Variants in RPAP2 observed in about 807,000 individuals in gnomAD.
RPAP2 encodes putative RNA polymerase II subunit B1 CTD phosphatase RPAP2.
A neutral mutation model predicts 73.1 loss-of-function variants in RPAP2; 52 were observed. The observed-to-expected ratio is 0.71, with a 90% CI of 0.57 to 0.90. The LOEUF is 0.90. RPAP2 is among the 40% of genes least tolerant of loss of function. The pLI, the probability that RPAP2 is intolerant of heterozygous loss-of-function variation, is 0.00. For missense variants in RPAP2, 598 were observed against 701.8 expected (o/e 0.85, Z 1.67); for synonymous variants, 225 against 242.1 (o/e 0.93, Z 0.65).
At position 92,323,671 on chromosome 1, in the gene RPAP2, A is replaced by G. The variant is rs773891776; in HGVS notation, c.751A>G (p.Lys251Glu). The G allele has an allele frequency of 6.2e-7, 1 of 1,613,740 alleles. No homozygotes were observed. The highest frequency in any genetic ancestry group is 2.2e-5 in the East Asian group (1 of 44,868). Residue 251 changes from lysine to glutamate, a missense_variant, in exon 8 of 13, where the codon AAA (lysine) becomes GAA (glutamate). Lys to Glu is a moderately conservative substitution (Grantham distance 56, BLOSUM62 1). Around this residue, in one of 3 missense-constraint regions of RPAP2, gnomAD observed 506 missense variants for 612.8 expected, o/e 0.83. Transcript: ENST00000610020. Reference sequence around the variant, plus strand: ...GCACCAAAAAAGCATAATGAAAAAGAAAGCTGGTCACAAAGCTAACTCCAA... The same window carrying G: ...GCACCAAAAAAGCATAATGAAAAAGGAAGCTGGTCACAAAGCTAACTCCAA... Reference protein sequence around the residue: ...QLHQKSIMKKKAGHKANSKHK... With the variant: ...QLHQKSIMKKEAGHKANSKHK...
intron 11 of RPAP2, among the ~76,000 whole-genome samples, chr1:92,354,339 A>G (rs1654358379): frequency 6.6e-6 from 1 of 152,230 alleles, no homozygotes; most frequent in Non-Finnish European, 1.5e-5. Context: ...AGCTGGAGAC[A>G]CTATTCTGAG....
At chr1:92,381,807 A>G (rs1332718347) in intron 12 of RPAP2, among the ~76,000 whole-genome samples, 1 of 151,646 alleles carries the variant, frequency 6.6e-6, no homozygotes, top group African/African-American at 2.4e-5. Context: ...TTTAGGGTAC[A>G]TGTGCACAAT....
chr1:92,310,836 G>A (rs945953081), intron 6 of RPAP2, among the ~76,000 whole-genome samples: 8 of 152,132 alleles, frequency 5.3e-5, no homozygotes, highest in African/African-American at 1.9e-4. Context: ...GGCAGAGGTT[G>A]CAGTGAGCCG....
intron 11 of RPAP2, among the ~76,000 whole-genome samples, chr1:92,379,280 A>T (rs1557633113): frequency 6.6e-6 from 1 of 152,238 alleles, no homozygotes; most frequent in South Asian, 2.1e-4. Flanking sequence ...GGTTAAATAA[A>T]TATCTGAAAG....
chr1:92,397,456 G>C lies in RPAP2; in HGVS notation c.*10445G>C, dbSNP rs1382688181. 2.0e-5 allele frequency: 3 copies of C among 152,162 alleles called. No homozygotes were observed. The highest frequency in any genetic ancestry group is 7.2e-5 in the African/African-American group (3 of 41,438). 9.4% of individuals were successfully genotyped at this position (152,162 alleles called of 1,614,324 possible). A position where few individuals can be genotyped will look rare whatever the true frequency, so the allele number is the denominator to read the frequency against. ...CACTTCTTCCCTCTCTGTGCCCAGA[G>C]ATATCTCTTCAGTTATCTCACATGC... On this transcript the variant is annotated 3_prime_UTR_variant, in exon 13 of 13. Transcript: ENST00000610020.
intron 12 of RPAP2, among the ~76,000 whole-genome samples, chr1:92,383,749 C>T (rs775835485): frequency 0.033 from 4,835 of 147,994 alleles, 306 homozygotes; most frequent in African/African-American, 0.12. Context: ...TAATTGATAC[C>T]CTGTATTTCC....
At chr1:92,349,862 A>G (rs1435439125) in intron 11 of RPAP2, among the ~76,000 whole-genome samples, 1 of 152,202 alleles carries the variant, frequency 6.6e-6, no homozygotes, top group Non-Finnish European at 1.5e-5. Flanking sequence ...CAGGAGATCA[A>G]GGTGCAGAGA....
intron 3 of RPAP2, 32 bp downstream of exon 3, chr1:92,301,622 G>A (rs754064748): frequency 1.1e-6 from 1 of 925,124 alleles, no homozygotes. Flanking sequence ...TATTAGTTTT[G>A]TAGTATAACA....
At position 92,299,122 on chromosome 1, in the gene RPAP2, C is replaced by T. The variant is rs550520312; in HGVS notation, c.49C>T (p.Pro17Ser). The part of the protein sequence containing the change: ...PSSAGRKAGA[P>S]RCSRKAAGTK... ...TTCTGCCGGCCGCAAGGCCGGGGCT[C>T]CCCGCTGCTCTCGAAAAGCCGCAGG... The change falls in exon 1 of 13, where the codon CCC becomes TCC. Residue 17 changes from proline (P) to serine (S), a missense_variant. Pro to Ser is a moderately conservative substitution (Grantham distance 74). Around this residue, in one of 3 missense-constraint regions of RPAP2, gnomAD observed 77 missense variants for 55.7 expected, o/e 1.38. Coordinates refer to ENST00000610020, the MANE Select transcript of RPAP2 (RefSeq NM_024813.3). 7 of 1,522,368 alleles carry T rather than the reference C, an allele frequency of 4.6e-6. No individual in the cohort carries two copies. The South Asian group carries it at 7.5e-5, about 16-fold the overall frequency. 94.3% of individuals were successfully genotyped at this position (1,522,368 alleles called of 1,614,324 possible).
intron 10 of RPAP2, among the ~76,000 whole-genome samples, chr1:92,337,136 T>C (rs1653323426): frequency 6.6e-6 from 1 of 152,178 alleles, no homozygotes; most frequent in South Asian, 2.1e-4. Context: ...CTGTGGCTGA[T>C]GTTGCACTGA....
intron 11 of RPAP2, among the ~76,000 whole-genome samples, chr1:92,350,466 T>A (rs1025127437): frequency 6.6e-6 from 1 of 152,212 alleles, no homozygotes; most frequent in Non-Finnish European, 1.5e-5. Flanking sequence ...GCATCTTAGT[T>A]GAAGTTTATC....
Position 92,333,462 on chromosome 1 carries a change from G to A in RPAP2, c.1527G>A (p.Lys509=), listed in dbSNP as rs768018165. 6 of 1,611,524 alleles carry A rather than the reference G, an allele frequency of 3.7e-6. No homozygotes were observed. The highest frequency in any genetic ancestry group is 5.1e-6 in the Non-Finnish European group (6 of 1,177,938). ...TTAGAAAACGCATCGTACTTGAAAA[G>A]TTGAGTAAAGTGTAAGTATGTAATT... is the stretch of plus-strand genomic sequence containing the variant. ...NQIRKRIVLE[K]LSKVLPGLLV... Residue 509 remains lysine (K), a synonymous_variant, in exon 9 of 13, where the codon AAG becomes AAA. Transcript: ENST00000610020.
chr1:92,318,933 A>G (rs1364014625), intron 6 of RPAP2, among the ~76,000 whole-genome samples: 1 of 152,176 alleles, frequency 6.6e-6, no homozygotes, highest in African/African-American at 2.4e-5. Context: ...ATGAGGGCAG[A>G]CTTCTTTAAT....
At chr1:92,352,280 T>C (rs1261463184) in intron 11 of RPAP2, among the ~76,000 whole-genome samples, 1 of 152,188 alleles carries the variant, frequency 6.6e-6, no homozygotes, top group East Asian at 1.9e-4. Context: ...TGGGAAATGG[T>C]ATTTAAACAA....
At chr1:92,353,089 A>C (rs1654295619) in intron 11 of RPAP2, among the ~76,000 whole-genome samples, 2 of 152,202 alleles carry the variant, frequency 1.3e-5, no homozygotes, top group Non-Finnish European at 1.5e-5. Context: ...TTTATTCATC[A>C]GTTGACAAAC....
At chr1:92,319,536 GT>G (rs1286791874) in intron 6 of RPAP2, among the ~76,000 whole-genome samples, 3 of 152,188 alleles carry the variant, frequency 2.0e-5, no homozygotes, top group African/African-American at 7.2e-5. Flanking sequence ...GAAGGCTGAG[GT>G]GGGGGCAGTG....
At chr1:92,342,571 G>T (rs1653658002) in intron 10 of RPAP2, among the ~76,000 whole-genome samples, 1 of 152,170 alleles carries the variant, frequency 6.6e-6, no homozygotes, top group South Asian at 2.1e-4. Context: ...CATTTTGGCT[G>T]CCAAGTTGAT....
chr1:92,312,418 CAA>C (rs55719262), intron 6 of RPAP2, among the ~76,000 whole-genome samples: 97 of 146,752 alleles, frequency 6.6e-4, no homozygotes, highest in Admixed American at 6.1e-4. Flanking sequence ...GACCGTGTCT[CAA>C]AAAAAAAAAA....
intron 10 of RPAP2, among the ~76,000 whole-genome samples, chr1:92,337,053 C>T (rs1243476083): frequency 1.3e-5 from 2 of 152,054 alleles, no homozygotes; most frequent in Non-Finnish European, 2.9e-5. Flanking sequence ...CTCTAAATGG[C>T]TTATTAGTAG....
Sources: gnomAD v4.1 joint callset for allele counts (sites outside exome capture counted in the v4.1 genomes callset) on GRCh38, gnomAD v4.1.1 for gene constraint, gnomAD v4.1.1 regional missense constraint, MANE v1.5 for transcripts, NCBI Gene and HGNC (gene_info 2026-07-23, HGNC 2026-07-21) for gene names.